CAMK2D: variants seen among roughly 807,000 people sequenced by gnomAD.
CAMK2D encodes the protein calcium/calmodulin-dependent protein kinase type II subunit delta.
Under a neutral mutation model 84.0 loss-of-function variants are expected in CAMK2D, and 37 were observed. The observed-to-expected ratio is 0.44, with a 90% CI of 0.34 to 0.58. The LOEUF (loss-of-function observed/expected upper bound fraction) is 0.58. CAMK2D is among the 20% of genes least tolerant of loss of function. The pLI is 0.02. For missense variants in CAMK2D, 448 were observed against 652.5 expected (o/e 0.69, Z 3.41); for synonymous variants, 202 against 212.5 (o/e 0.95, Z 0.43).
chr4:113,717,478 G>T (rs72899819), intron 2 of CAMK2D, among the ~76,000 whole-genome samples: 1 of 151,856 alleles, frequency 6.6e-6, no homozygotes, highest in Non-Finnish European at 1.5e-5. Context: ...TCCAGGACTT[G>T]GTACTGCCTG....
chr4:113,679,133 T>G (rs2099330154), intron 2 of CAMK2D, among the ~76,000 whole-genome samples: 1 of 151,990 alleles, frequency 6.6e-6, no homozygotes, highest in Non-Finnish European at 1.5e-5. Context: ...GGGGTTCTAG[T>G]GCAATAACAT....
intron 16 of CAMK2D, among the ~76,000 whole-genome samples, chr4:113,498,661 T>G (rs947086789): frequency 1.3e-5 from 2 of 152,208 alleles, no homozygotes; most frequent in African/African-American, 2.4e-5. Flanking sequence ...TATCTCAATT[T>G]ATGAAATCCC....
At chr4:113,488,390 T>C (rs1384631778) in intron 16 of CAMK2D, among the ~76,000 whole-genome samples, 1 of 152,194 alleles carries the variant, frequency 6.6e-6, no homozygotes, top group Non-Finnish European at 1.5e-5. Flanking sequence ...GTTGCAATTT[T>C]TTGAATTTTT....
chr4:113,739,531 T>C (rs955891241), intron 2 of CAMK2D, among the ~76,000 whole-genome samples: 1 of 152,116 alleles, frequency 6.6e-6, no homozygotes, highest in Non-Finnish European at 1.5e-5. Flanking sequence ...TCTACATCAA[T>C]AGTCTAAAAA....
chr4:113,760,827 T>C (rs917846112), intron 1 of CAMK2D, among the ~76,000 whole-genome samples, 177 bp downstream of exon 1: 3 of 152,064 alleles, frequency 2.0e-5, no homozygotes, highest in Non-Finnish European at 2.9e-5. Flanking sequence ...TCCTACCCCT[T>C]CTGTGCTCCC....
At chr4:113,604,461 A>G (rs2154263075) in intron 4 of CAMK2D, among the ~76,000 whole-genome samples, 1 of 152,250 alleles carries the variant, frequency 6.6e-6, no homozygotes, top group South Asian at 2.1e-4. Flanking sequence ...GATTGTGTTT[A>G]GTTTATTAAT....
In CAMK2D at chr4:113,457,548, T is replaced by C. The variant is rs1175575808; in HGVS notation, c.1322A>G (p.Asn441Ser). 6.2e-7 allele frequency: 1 copy of C among 1,613,426 alleles called. No individual in the cohort carries two copies. ...FYFENALSKS[N>S]KPIHTIILNP... ...TAGAATAATAGTGTGGATTGGTTTA[T>C]TGCTTTTGGACAAAGCTGAAAGAGA... Residue 441 changes from asparagine to serine, a missense_variant, in exon 19 of 21, where the codon AAT becomes AGT. Asn to Ser is a conservative substitution (Grantham distance 46). This residue lies in a region of CAMK2D where 219 missense variants were observed against 272.1 expected (regional missense o/e 0.80). Coordinates refer to ENST00000511664, the MANE Select transcript of CAMK2D (RefSeq NM_001321571.2).
rs868841057 is a variant in CAMK2D at position 113,576,238 on chromosome 4, A to G, written c.276-24142T>C. 4.7e-4 allele frequency among the ~76,000 whole-genome samples: 72 copies of G among 152,144 alleles called. 1 individual carries two copies. Among genetic ancestry groups the G allele is most frequent in the African/African-American group, 1.7e-3 (71 of 41,430 alleles). ...TTTTATTTTTGACATTAAAAAACAC[A>G]TAATAGACTGAAAATCTACATTCAC... On this transcript the variant is annotated intron_variant, in intron 4 of 20. Transcript: ENST00000511664.
At chr4:113,687,194 C>T (rs775280582) in intron 2 of CAMK2D, among the ~76,000 whole-genome samples, 12 of 152,158 alleles carry the variant, frequency 7.9e-5, no homozygotes, top group Non-Finnish European at 1.6e-4. Flanking sequence ...CAACAGTCCT[C>T]ATGTTAGATT....
At chr4:113,493,788 C>T (rs1049813065) in intron 16 of CAMK2D, among the ~76,000 whole-genome samples, 189 of 151,564 alleles carry the variant, frequency 1.2e-3, no homozygotes, top group African/African-American at 4.0e-3. Flanking sequence ...ACCAATCAGA[C>T]GTAGATTTGG....
chr4:113,520,646 G>C (rs1384147626), intron 8 of CAMK2D, among the ~76,000 whole-genome samples: 1 of 152,006 alleles, frequency 6.6e-6, no homozygotes, highest in Non-Finnish European at 1.5e-5. Flanking sequence ...CCACTTGAGG[G>C]GTGATGATGT....
At chr4:113,541,431 C>T (rs1273989570) in intron 6 of CAMK2D, among the ~76,000 whole-genome samples, 4 of 152,164 alleles carry the variant, frequency 2.6e-5, no homozygotes, top group Non-Finnish European at 4.4e-5. Flanking sequence ...TAGTTTTAAC[C>T]TTGCTTTACC....
At chr4:113,557,425 A>G (rs1264280351) in intron 4 of CAMK2D, among the ~76,000 whole-genome samples, 1 of 152,072 alleles carries the variant, frequency 6.6e-6, no homozygotes, top group African/African-American at 2.4e-5. Context: ...CCAGTTCCTC[A>G]AGCATAGTAA....
In CAMK2D at chr4:113,505,398, A is replaced by G. The variant is rs567960989; in HGVS notation, c.985-363T>C. 3.3e-5 allele frequency among the ~76,000 whole-genome samples: 5 copies of G among 152,322 alleles called. No homozygotes were observed. The East Asian group carries it at 9.6e-4, about 29-fold the overall frequency. On this transcript the variant is annotated intron_variant, in intron 13 of 20. Transcript: ENST00000511664. Reference sequence around the variant, plus strand: ...TGTTTCCAAGCTTCCAATTGTTCACAGTTATAAATATATTTCTTTCTTCCC... The same window carrying G: ...TGTTTCCAAGCTTCCAATTGTTCACGGTTATAAATATATTTCTTTCTTCCC...
intron 3 of CAMK2D, among the ~76,000 whole-genome samples, chr4:113,656,590 CA>C (rs2099201671): frequency 6.6e-6 from 1 of 152,072 alleles, no homozygotes; most frequent in Non-Finnish European, 1.5e-5. Context: ...CCCAAACTCC[CA>C]AATCTGGTTA....
intron 3 of CAMK2D, among the ~76,000 whole-genome samples, chr4:113,614,165 C>A (rs939800473): frequency 4.6e-5 from 7 of 151,920 alleles, no homozygotes; most frequent in African/African-American, 1.7e-4. Context: ...CTTAACAGTA[C>A]CCCCCACACA....
chr4:113,759,440 T>G, intron 1 of CAMK2D, 26 bp from the exon 2 acceptor site: 1 of 1,314,336 alleles, frequency 7.6e-7, no homozygotes, highest in Non-Finnish European at 1.1e-6. Flanking sequence ...TAGCAGGTCA[T>G]TAATATAACA....
chr4:113,480,626 A>G (rs2097690360), intron 16 of CAMK2D, among the ~76,000 whole-genome samples: 1 of 152,044 alleles, frequency 6.6e-6, no homozygotes, highest in South Asian at 2.1e-4. Context: ...GGATCACTTG[A>G]GGTCAGGAGT....
At chr4:113,462,288 G>GTC (rs1357883885) in intron 17 of CAMK2D, among the ~76,000 whole-genome samples, 944 of 83,680 alleles carry the variant, frequency 0.011, 6 homozygotes, top group Admixed American at 0.027. Flanking sequence ...GTGTGTGTGT[G>GTC]TGTGTGTCTG....
Sources: gnomAD v4.1 joint callset for allele counts (sites outside exome capture counted in the v4.1 genomes callset) on GRCh38, gnomAD v4.1.1 for gene constraint, gnomAD v4.1.1 regional missense constraint, MANE v1.5 for transcripts, NCBI Gene and HGNC (gene_info 2026-07-23, HGNC 2026-07-21) for gene names.